CBFA2T3: variants seen among roughly 807,000 people sequenced by gnomAD.
The protein encoded by CBFA2T3 is CBFA2/RUNX1 partner transcriptional co-repressor 3, also known as transcriptional corepressor CBFA2T3.
A neutral mutation model predicts 58.6 loss-of-function variants in CBFA2T3; 31 were observed. The ratio of observed to expected loss-of-function variants is 0.53; its 90% CI spans 0.40 to 0.71. CBFA2T3 has a LOEUF of 0.71. Ranked by LOEUF, CBFA2T3 falls within the 30% of genes least tolerant of loss-of-function variation. The pLI is 0.00. For synonymous variants in CBFA2T3, 531 were observed against 421.9 expected (o/e 1.26, Z -3.17); for missense variants, 1,076 against 963.1 (o/e 1.12, Z -1.55).
At chr16:88,916,256 G>A (rs745800263) in intron 1 of CBFA2T3, among the ~76,000 whole-genome samples, 5 of 151,462 alleles carry the variant, frequency 3.3e-5, no homozygotes, top group African/African-American at 9.7e-5. Context: ...GTATTCATGC[G>A]TGTGCATGGC....
Position 88,876,625 on chromosome 16 carries a change from C to CAGACAGAGAGGAAAAGAGAGGT in CBFA2T3, c.*329_*350dup. 1 of 301,958 alleles carries CAGACAGAGAGGAAAAGAGAGGT rather than the reference C, an allele frequency of 3.3e-6. No individual in the cohort carries two copies. Among genetic ancestry groups the CAGACAGAGAGGAAAAGAGAGGT allele is most frequent in the Non-Finnish European group, 6.1e-6 (1 of 164,152 alleles). 18.7% of individuals were successfully genotyped at this position (301,958 alleles called of 1,614,324 possible). On this transcript the variant is annotated 3_prime_UTR_variant, in exon 12 of 12. Transcript: ENST00000268679. ...GATAGAGAAGACAGAGGGGGAGAGA[C>CAGACAGAGAGGAAAAGAGAGGT]AGACAGAGAGGAAAAGAGAGGTGGG...
chr16:88,891,518 G>A (rs1015481000), intron 5 of CBFA2T3, among the ~76,000 whole-genome samples: 2 of 152,214 alleles, frequency 1.3e-5, no homozygotes, highest in African/African-American at 4.8e-5. Context: ...CCCCACACTG[G>A]CACGTCGTCA....
At chr16:88,891,353 C>T (rs1260272589) in intron 5 of CBFA2T3, among the ~76,000 whole-genome samples, 1 of 152,212 alleles carries the variant, frequency 6.6e-6, no homozygotes, top group African/African-American at 2.4e-5. Context: ...TCAGCCCTCA[C>T]CAACACGCCT....
intron 5 of CBFA2T3, among the ~76,000 whole-genome samples, chr16:88,889,120 T>G (rs1234532765): frequency 2.7e-5 from 4 of 149,968 alleles, no homozygotes; most frequent in African/African-American, 9.8e-5. Flanking sequence ...CCCCAAAGAC[T>G]GGGAGGGGTG....
chr16:88,967,668 C>T (rs13330619), intron 1 of CBFA2T3, among the ~76,000 whole-genome samples: 2 of 152,058 alleles, frequency 1.3e-5, no homozygotes, highest in Admixed American at 6.5e-5. Context: ...ACGGGGACGG[C>T]GTGCTGCCCT....
intron 1 of CBFA2T3, among the ~76,000 whole-genome samples, chr16:88,912,686 G>T (rs1970568578): frequency 6.6e-6 from 1 of 152,230 alleles, no homozygotes. Context: ...ACACGGCAGG[G>T]CCCCGTAAAG....
rs1006842956 is a variant in CBFA2T3, at chr16:88,879,415, T to A, written c.1517A>T (p.Gln506Leu). 2 of 1,612,772 alleles carry A rather than the reference T, an allele frequency of 1.2e-6. No individual in the cohort carries two copies. The highest frequency in any genetic ancestry group is 2.7e-5 in the African/African-American group (2 of 74,892). The change falls in exon 11 of 12, where the codon CAG becomes CTG. Residue 506 changes from glutamine to leucine, a missense_variant. Transcript: ENST00000268679. ...GCGCTCCGCGTCCGACACGGCTTTC[T>A]GCAGCTCCGACATGGCCTGCCGCTT... is the stretch of plus-strand genomic sequence containing the variant. Reference protein sequence around the residue: ...EVKRQAMSELQKAVSDAERKA... With the variant: ...EVKRQAMSELLKAVSDAERKA...
In CBFA2T3 at chr16:88,948,700, C is replaced by A. The variant is rs979238316; in HGVS notation, c.151+27957G>T. The stretch of plus-strand genomic sequence containing the variant: ...TCACGTATTCATTTCTTTCTTCCTT[C>A]ACTCTCCATATCCAATAGAAAGCAA... On this transcript the variant is annotated intron_variant, in intron 1 of 11. Transcript: ENST00000268679. Among the ~76,000 whole-genome samples the A allele has an allele frequency of 1.2e-4, 19 of 152,352 alleles. No homozygotes were observed. In the Middle Eastern group the frequency reaches 0.014, roughly 109 times the overall value.
chr16:88,942,566 A>T (rs1419479079), intron 1 of CBFA2T3, among the ~76,000 whole-genome samples: 1 of 151,964 alleles, frequency 6.6e-6, no homozygotes, highest in Non-Finnish European at 1.5e-5. Flanking sequence ...CTGGCAGAGG[A>T]AGGGGACGGA....
At chr16:88,900,868 C>G (rs7205164) in intron 2 of CBFA2T3, among the ~76,000 whole-genome samples, 1 of 152,342 alleles carries the variant, frequency 6.6e-6, no homozygotes, top group South Asian at 2.1e-4. Context: ...CGGCTCTGTG[C>G]GCCAAGCACG....
At position 88,901,562 on chromosome 16, in the gene CBFA2T3, G is replaced by A. The variant is rs75570170; in HGVS notation, c.246C>T (p.Pro82=). The A allele has an allele frequency of 2.0e-4, 297 of 1,482,734 alleles. No individual in the cohort carries two copies. In the East Asian group the frequency reaches 7.0e-3, roughly 35 times the overall value. The allele number at this position is 1,482,734 out of a possible 1,614,324, so 91.8% of individuals were successfully genotyped here. The change falls in exon 2 of 12, where the codon CCC becomes CCT. Residue 82 remains proline (P), a synonymous_variant. Coordinates refer to ENST00000268679, the MANE Select transcript of CBFA2T3 (RefSeq NM_005187.6). ...QPRSTPPSMP[P]PPPAASQGAT... The stretch of plus-strand genomic sequence containing the variant: ...CCCCCTGGGATGCGGCAGGCGGTGG[G>A]GGCGGCATGCTGGGGGGTGTGGACC...
At chr16:88,892,218 G>C in intron 4 of CBFA2T3, 26 bp downstream of exon 4, 1 of 1,597,224 alleles carries the variant, frequency 6.3e-7, no homozygotes, top group Non-Finnish European at 8.5e-7. Flanking sequence ...ATGTCCCAAG[G>C]CCCCGGCTGT....
chr16:88,922,151 G>A (rs528856306), intron 1 of CBFA2T3, among the ~76,000 whole-genome samples: 1 of 152,354 alleles, frequency 6.6e-6, no homozygotes, highest in South Asian at 2.1e-4. Context: ...TTTGGGTGGG[G>A]GTACTTCCGG....
intron 7 of CBFA2T3, 66 bp from the exon 8 acceptor site, chr16:88,882,827 C>T (rs1299875116): frequency 1.8e-6 from 2 of 1,109,772 alleles, no homozygotes; most frequent in East Asian, 2.6e-5. Flanking sequence ...TTCTCCCAGA[C>T]CCCGCCCTCT....
Position 88,951,027 on chromosome 16 carries a change from G to A in CBFA2T3, c.151+25630C>T. On this transcript the variant is annotated intron_variant, in intron 1 of 11. Coordinates refer to ENST00000268679, the MANE Select transcript of CBFA2T3 (RefSeq NM_005187.6). ...TCACCCCTCGCCTGGACCGGCACCG[G>A]CACAGAGGGTCAGAGTGTTGGCACC... 2 of 394,656 alleles carry A rather than the reference G, an allele frequency of 5.1e-6. 1 individual carries two copies. Among genetic ancestry groups the A allele is most frequent in the South Asian group, 3.5e-5 (2 of 57,238 alleles). The allele number at this position is 394,656 out of a possible 1,614,324, so 24.4% of individuals were successfully genotyped here. A position where few individuals can be genotyped will look rare whatever the true frequency, so the allele number is the denominator to read the frequency against.
chr16:88,915,568 CGGGGGAGCGTGGACG>C (rs1970681734), intron 1 of CBFA2T3, among the ~76,000 whole-genome samples: 1 of 3,642 alleles, frequency 2.7e-4, no homozygotes, highest in Admixed American at 4.1e-3. Context: ...GGAGAGTGGA[CGGGGGAGCGTGGACG>C]GGGGGAGCGT....
In CBFA2T3 at chr16:88,876,553, A is replaced by G. The variant is rs74035882; in HGVS notation, c.*423T>C. 2 of 246,656 alleles carry G rather than the reference A, an allele frequency of 8.1e-6. No homozygotes were observed. The highest frequency in any genetic ancestry group is 4.4e-5 in the African/African-American group (2 of 45,804). 15.3% of individuals were successfully genotyped at this position (246,656 alleles called of 1,614,324 possible). ...GCTGAAAATATAAGCCACCAATTCGATTTTTTCATTGAAGAGAAAGTGTGT... is the reference window on the plus strand; with the variant it reads ...GCTGAAAATATAAGCCACCAATTCGGTTTTTTCATTGAAGAGAAAGTGTGT... On this transcript the variant is annotated 3_prime_UTR_variant, in exon 12 of 12. Transcript: ENST00000268679.
chr16:88,891,522 G>A (rs562533487), intron 5 of CBFA2T3, among the ~76,000 whole-genome samples: 2 of 152,314 alleles, frequency 1.3e-5, no homozygotes, highest in South Asian at 2.1e-4. Flanking sequence ...ACACTGGCAC[G>A]TCGTCAGTGC....
intron 1 of CBFA2T3, among the ~76,000 whole-genome samples, chr16:88,975,245 C>A (rs969335880): frequency 7.3e-6 from 1 of 137,404 alleles, no homozygotes; most frequent in Non-Finnish European, 1.5e-5. Context: ...GTCAGAGGCC[C>A]GCCCTGACCC....
Sources: gnomAD v4.1 joint callset for allele counts (sites outside exome capture counted in the v4.1 genomes callset) on GRCh38, gnomAD v4.1.1 for gene constraint, MANE v1.5 for transcripts, NCBI Gene and HGNC (gene_info 2026-07-23, HGNC 2026-07-21) for gene names.